TXNRD2: variants seen among roughly 807,000 people sequenced by gnomAD.
TXNRD2 encodes thioredoxin reductase 2.
TXNRD2 carries 67 observed loss-of-function variants against 70.8 expected under a neutral mutation model. The observed-to-expected ratio is 0.95, with a 90% CI of 0.78 to 1.16. The LOEUF is 1.16. Ranked by LOEUF, TXNRD2 falls within the 50% of genes most tolerant of loss-of-function variation. The pLI is 0.00. For missense variants in TXNRD2, 644 were observed against 719.9 expected, an observed-to-expected ratio of 0.89 and a Z score of 1.21; for synonymous variants, 301 against 295.8, an observed-to-expected ratio of 1.02 and a Z score of -0.18.
At chr22:19,935,864 G>A (rs1941519944) in intron 1 of TXNRD2, among the ~76,000 whole-genome samples, 1 of 152,184 alleles carries the variant, frequency 6.6e-6, no homozygotes, top group South Asian at 2.1e-4. Flanking sequence ...CATCGGTCCA[G>A]TCCACAGAAA....
intron 11 of TXNRD2, among the ~76,000 whole-genome samples, chr22:19,890,400 C>T (rs1939212833): frequency 1.3e-5 from 2 of 152,312 alleles, no homozygotes; most frequent in East Asian, 1.9e-4. Context: ...GCCTCCGATC[C>T]GTGTCACCTG....
chr22:19,913,757 T>G (rs1391188724), intron 7 of TXNRD2, among the ~76,000 whole-genome samples: 1 of 152,212 alleles, frequency 6.6e-6, no homozygotes, highest in African/African-American at 2.4e-5. Flanking sequence ...GACCTTGATC[T>G]CTGCAGAAGC....
rs1204795034 is a variant in TXNRD2, at chr22:19,878,200, C to T, written c.1348-13G>A. 6.2e-7 allele frequency: 1 copy of T among 1,612,400 alleles called. No homozygotes were observed. The highest frequency in any genetic ancestry group is 1.3e-5 in the African/African-American group (1 of 74,928). On this transcript the variant is annotated splice_polypyrimidine_tract_variant and intron_variant, in intron 15 of 17. Transcript: ENST00000400521. ...TCAGGCACACCATCTGAAAGCCGCA[C>T]ATCTCAGCCACCAGCCCAGGAGGGG...
chr22:19,915,021 G>C (rs768597434), intron 7 of TXNRD2, 193 bp downstream of exon 7: 4 of 611,632 alleles, frequency 6.5e-6, no homozygotes, highest in Non-Finnish European at 1.2e-5. Context: ...TGGCAGCGTG[G>C]AGGCCACTGG....
intron 11 of TXNRD2, among the ~76,000 whole-genome samples, chr22:19,886,032 C>G (rs909433512): frequency 6.6e-5 from 10 of 152,266 alleles, no homozygotes; most frequent in African/African-American, 2.4e-4. Context: ...AAAGGCATGA[C>G]AGCTGGACAG....
chr22:19,888,504 A>G (rs981880982), intron 11 of TXNRD2, among the ~76,000 whole-genome samples: 1 of 152,240 alleles, frequency 6.6e-6, no homozygotes, highest in Non-Finnish European at 1.5e-5. Flanking sequence ...CGCCTGGGAC[A>G]CATTTTCCCA....
Position 19,934,648 on chromosome 22 carries a change from C to T in TXNRD2, c.104-3550G>A, listed in dbSNP as rs193066079. Reference sequence around the variant, plus strand: ...CACAATCTCAGCTCACTGCAAGCTCCGCCTCCTGGGTTCACACCATTCTCC... The same window carrying T: ...CACAATCTCAGCTCACTGCAAGCTCTGCCTCCTGGGTTCACACCATTCTCC... On this transcript the variant is annotated intron_variant, in intron 1 of 17. Transcript: ENST00000400521. Among the ~76,000 whole-genome samples, 447 of 151,590 alleles carry T rather than the reference C, an allele frequency of 2.9e-3. 6 individuals are homozygous for T. The highest frequency in any genetic ancestry group is 0.01 in the African/African-American group (418 of 41,388).
At chr22:19,903,152 C>T (rs750127100) in intron 8 of TXNRD2, among the ~76,000 whole-genome samples, 42 of 152,190 alleles carry the variant, frequency 2.8e-4, no homozygotes, top group Non-Finnish European at 5.7e-4. Flanking sequence ...GGCTGGTCAG[C>T]CCCTGAGCCA....
At chr22:19,878,269 G>A (rs1374608747) in intron 15 of TXNRD2, 82 bp from the exon 16 acceptor site, 3 of 1,590,820 alleles carry the variant, frequency 1.9e-6, no homozygotes, top group Middle Eastern at 1.7e-4. Context: ...CCCTGCCTGG[G>A]AGGCATGGGT....
At chr22:19,929,788 G>A (rs1941290227) in intron 2 of TXNRD2, among the ~76,000 whole-genome samples, 1 of 149,996 alleles carries the variant, frequency 6.7e-6, no homozygotes, top group Non-Finnish European at 1.5e-5. Context: ...TCTTGACTGC[G>A]GTACTGGCTG....
chr22:19,934,394 A>AAC lies in TXNRD2; in HGVS notation c.104-3297_104-3296insGT, dbSNP rs899111706. 2.6e-5 allele frequency among the ~76,000 whole-genome samples: 4 copies of AAC among 151,056 alleles called. No homozygotes were observed. In the East Asian group the frequency reaches 5.8e-4, roughly 22 times the overall value. On this transcript the variant is annotated intron_variant, in intron 1 of 17. Coordinates refer to ENST00000400521, the MANE Select transcript of TXNRD2 (RefSeq NM_006440.5). ...AGACTCTGTCTCAGAAAAAAAAAAAAAAAAAAACTGCACCCCTAGTCTGGG... is the reference window on the plus strand; with the variant it reads ...AGACTCTGTCTCAGAAAAAAAAAAAAACAAAAAAACTGCACCCCTAGTCTGGG...
At chr22:19,915,641 C>A in intron 6 of TXNRD2, 124 bp downstream of exon 6, 2 of 892,120 alleles carry the variant, frequency 2.2e-6, no homozygotes, top group Non-Finnish European at 3.7e-6. Flanking sequence ...CAAAAGAAGC[C>A]ACCTTTTTGA....
chr22:19,900,056 T>C (rs750600105), intron 8 of TXNRD2, among the ~76,000 whole-genome samples: 3 of 152,210 alleles, frequency 2.0e-5, no homozygotes, highest in Non-Finnish European at 4.4e-5. Flanking sequence ...GTGTATCCCT[T>C]GGAATCATTC....
At position 19,918,161 on chromosome 22, in the gene TXNRD2, C is replaced by A. The variant is rs748674090; in HGVS notation, c.431G>T (p.Arg144Leu). The stretch of plus-strand genomic sequence containing the variant: ...TCAGTACCTGTCCTGAAGCTGGACA[C>A]GGTGGCCCCAGTTCAAGGATTTCAC... ...NHVKSLNWGH[R>L]VQLQDRKVKY... Residue 144 changes from arginine (R) to leucine (L), a missense_variant, in exon 5 of 18, where the codon CGT becomes CTT. Physicochemically the swap from Arg to Leu is moderately radical, Grantham distance 102. Coordinates refer to ENST00000400521, the MANE Select transcript of TXNRD2 (RefSeq NM_006440.5). 3 of 1,614,038 alleles carry A rather than the reference C, an allele frequency of 1.9e-6. No individual in the cohort carries two copies. The Admixed American group carries it at 5.0e-5, about 27-fold the overall frequency.
chr22:19,880,871 G>T lies in TXNRD2; in HGVS notation c.1087-154C>A. 4 of 631,588 alleles carry T rather than the reference G, an allele frequency of 6.3e-6. 1 individual carries two copies. The highest frequency in any genetic ancestry group is 5.5e-5 in the South Asian group (3 of 54,266). The allele number at this position is 631,588 out of a possible 1,614,324, so 39.1% of individuals were successfully genotyped here. A position where few individuals can be genotyped will look rare whatever the true frequency, so the allele number is the denominator to read the frequency against. On this transcript the variant is annotated intron_variant, in intron 12 of 17. Coordinates refer to ENST00000400521, the MANE Select transcript of TXNRD2 (RefSeq NM_006440.5). Reference sequence around the variant, plus strand: ...GGTGACGTACAGCATTCCCCCTAGAGCTCGTCCTCCTGAGGGGCATCCCAA... The same window carrying T: ...GGTGACGTACAGCATTCCCCCTAGATCTCGTCCTCCTGAGGGGCATCCCAA...
intron 8 of TXNRD2, among the ~76,000 whole-genome samples, chr22:19,906,407 T>C (rs1322002410): frequency 6.6e-6 from 1 of 152,130 alleles, no homozygotes; most frequent in Non-Finnish European, 1.5e-5. Flanking sequence ...GGGTGATCAC[T>C]TGAGCCCAGG....
chr22:19,922,567 C>G (rs553480468), intron 2 of TXNRD2, among the ~76,000 whole-genome samples: 2 of 152,320 alleles, frequency 1.3e-5, no homozygotes, highest in East Asian at 3.9e-4. Context: ...CCTACTTACT[C>G]CCTACCAAAA....
intron 7 of TXNRD2, among the ~76,000 whole-genome samples, chr22:19,913,888 T>C (rs1002306248): frequency 3.3e-5 from 5 of 152,184 alleles, no homozygotes; most frequent in African/African-American, 4.8e-5. Flanking sequence ...GAAATCTCCA[T>C]GCAGTTCTTA....
intron 1 of TXNRD2, among the ~76,000 whole-genome samples, chr22:19,934,042 C>A (rs1449188270): frequency 6.6e-6 from 1 of 152,232 alleles, no homozygotes; most frequent in African/African-American, 2.4e-5. Flanking sequence ...CCAGTGAGGG[C>A]AAGTGGAAGG....
Sources: gnomAD v4.1 joint callset for allele counts (sites outside exome capture counted in the v4.1 genomes callset) on GRCh38, gnomAD v4.1.1 for gene constraint, MANE v1.5 for transcripts, NCBI Gene and HGNC (gene_info 2026-07-23, HGNC 2026-07-21) for gene names.